TEAD1: variants seen among roughly 807,000 people sequenced by gnomAD.
TEAD1 encodes transcriptional enhancer factor TEF-1.
A neutral mutation model predicts 54.9 loss-of-function variants in TEAD1; 9 were observed. The ratio of observed to expected loss-of-function variants is 0.16; its 90% CI spans 0.10 to 0.29. The LOEUF (loss-of-function observed/expected upper bound fraction) is 0.29. TEAD1 is among the 10% of genes least tolerant of loss of function. TEAD1 has a pLI of 1.00. For missense variants in TEAD1, 387 were observed against 535.9 expected, an observed-to-expected ratio of 0.72 and a Z score of 2.74; for synonymous variants, 200 against 187.8, an observed-to-expected ratio of 1.07 and a Z score of -0.53.
chr11:12,829,615 T>A, intron 3 of TEAD1, among the ~76,000 whole-genome samples: 1 of 152,192 alleles, frequency 6.6e-6, no homozygotes, highest in East Asian at 1.9e-4. Context: ...TCTTCCTTTA[T>A]CCATGTATTT....
chr11:12,743,534 A>T (rs1489864750), intron 2 of TEAD1, among the ~76,000 whole-genome samples: 1 of 152,236 alleles, frequency 6.6e-6, no homozygotes, highest in Non-Finnish European at 1.5e-5. Context: ...ATCTTTGTCC[A>T]GCCCATCTCA....
chr11:12,761,720 A>C (rs1027151505), intron 2 of TEAD1, among the ~76,000 whole-genome samples: 4 of 152,196 alleles, frequency 2.6e-5, no homozygotes, highest in African/African-American at 7.2e-5. Context: ...CTAAATGGGT[A>C]TCTTAGGAGA....
chr11:12,727,813 A>G (rs772479032), intron 2 of TEAD1, among the ~76,000 whole-genome samples: 17 of 151,972 alleles, frequency 1.1e-4, no homozygotes, highest in Non-Finnish European at 2.2e-4. Flanking sequence ...TCACCCTTAC[A>G]TGCAAGTTTG....
chr11:12,885,579 T>C (rs1948071127), intron 9 of TEAD1, among the ~76,000 whole-genome samples: 1 of 152,126 alleles, frequency 6.6e-6, no homozygotes, highest in South Asian at 2.1e-4. Flanking sequence ...TGTAAGCAAA[T>C]TTCTGTTTGC....
At chr11:12,918,236 A>G (rs892232675) in intron 10 of TEAD1, among the ~76,000 whole-genome samples, 1 of 151,800 alleles carries the variant, frequency 6.6e-6, no homozygotes, top group African/African-American at 2.4e-5. Context: ...CTTTGATATT[A>G]CCTTCACTTC....
chr11:12,830,764 ACACGCACATG>A (rs1564955544), intron 3 of TEAD1, among the ~76,000 whole-genome samples: 35 of 107,782 alleles, frequency 3.2e-4, no homozygotes, highest in East Asian at 1.3e-3. Context: ...ACATGCACGC[ACACGCACATG>A]CACATGCACA....
chr11:12,863,585 G>T (rs762854936), intron 4 of TEAD1, among the ~76,000 whole-genome samples: 16 of 152,114 alleles, frequency 1.1e-4, no homozygotes, highest in Non-Finnish European at 1.9e-4. Flanking sequence ...TTTTAGAGCC[G>T]CTGGAGAGTT....
rs1945659996 is a variant in TEAD1, at chr11:12,785,512, CA to C, written c.202+21080del. Among the ~76,000 whole-genome samples, 4 of 152,296 alleles carry C rather than the reference CA, an allele frequency of 2.6e-5. No homozygotes were observed. In the South Asian group the frequency reaches 8.3e-4, roughly 32 times the overall value. On this transcript the variant is annotated intron_variant, in intron 3 of 12. Transcript: ENST00000527636. ...AGAGAATAAATGGGGGCAATGTTAA[CA>C]ATGACACCAGGAAAACAGAAATAAA... is the stretch of plus-strand genomic sequence containing the variant.
At chr11:12,705,124 G>A (rs1308768631) in intron 2 of TEAD1, among the ~76,000 whole-genome samples, 1 of 152,210 alleles carries the variant, frequency 6.6e-6, no homozygotes, top group African/African-American at 2.4e-5. Context: ...TTGTTGCTTG[G>A]CTGGAAGGAG....
intron 9 of TEAD1, among the ~76,000 whole-genome samples, chr11:12,894,492 T>C (rs571572972): frequency 2.6e-5 from 4 of 152,292 alleles, no homozygotes; most frequent in South Asian, 2.1e-4. Flanking sequence ...GTTTGTTTCA[T>C]CTACAGTGAT....
intron 3 of TEAD1, among the ~76,000 whole-genome samples, chr11:12,765,288 C>T (rs1945184800): frequency 6.6e-6 from 1 of 152,118 alleles, no homozygotes; most frequent in Non-Finnish European, 1.5e-5. Context: ...TTTTTGGCTG[C>T]TTACCTTTTG....
chr11:12,757,884 A>AT (rs1157765951), intron 2 of TEAD1, among the ~76,000 whole-genome samples: 2 of 151,940 alleles, frequency 1.3e-5, no homozygotes, highest in African/African-American at 2.4e-5. Flanking sequence ...AATTCAAGTG[A>AT]TTCGTCTGTC....
intron 10 of TEAD1, among the ~76,000 whole-genome samples, chr11:12,914,242 A>G (rs1055931582): frequency 2.0e-5 from 3 of 152,226 alleles, no homozygotes; most frequent in African/African-American, 4.8e-5. Flanking sequence ...TGAAGTGCCA[A>G]ATGTTTATGA....
At chr11:12,694,176 A>G (rs1943526317) in intron 2 of TEAD1, among the ~76,000 whole-genome samples, 1 of 152,220 alleles carries the variant, frequency 6.6e-6, no homozygotes, top group Non-Finnish European at 1.5e-5. Context: ...GTTCCAGTGA[A>G]TCCTAAAACT....
intron 2 of TEAD1, among the ~76,000 whole-genome samples, chr11:12,710,896 G>C (rs995035305): frequency 6.6e-6 from 1 of 152,152 alleles, no homozygotes; most frequent in Non-Finnish European, 1.5e-5. Flanking sequence ...CCTGGAAGGG[G>C]ATGGAAGAGA....
intron 3 of TEAD1, among the ~76,000 whole-genome samples, chr11:12,825,105 C>T (rs562645453): frequency 1.3e-5 from 2 of 152,224 alleles, no homozygotes; most frequent in East Asian, 1.9e-4. Flanking sequence ...AGTTCTGTTT[C>T]GTAAAGTCTT....
At position 12,833,520 on chromosome 11, in the gene TEAD1, C is replaced by T. The variant is rs149200920; in HGVS notation, c.203-28730C>T. ...TCTTTTGACATTCATCATTAGTGACCCAATAGACTGGGCATGTAAAATCTG... is the reference window on the plus strand; with the variant it reads ...TCTTTTGACATTCATCATTAGTGACTCAATAGACTGGGCATGTAAAATCTG... On this transcript the variant is annotated intron_variant, in intron 3 of 12. Coordinates refer to ENST00000527636, the MANE Select transcript of TEAD1 (RefSeq NM_021961.6). Among the ~76,000 whole-genome samples, 233 of 152,068 alleles carry T rather than the reference C, an allele frequency of 1.5e-3. 1 individual carries two copies. Among genetic ancestry groups the T allele is most frequent in the African/African-American group, 5.2e-3 (216 of 41,470 alleles).
intron 9 of TEAD1, among the ~76,000 whole-genome samples, chr11:12,895,203 C>CCG (rs1554947130): frequency 6.6e-6 from 1 of 152,116 alleles, no homozygotes; most frequent in African/African-American, 2.4e-5. Context: ...TTATTAACCC[C>CCG]CCCCGGGTAT....
At chr11:12,914,562 C>T (rs897830865) in intron 10 of TEAD1, among the ~76,000 whole-genome samples, 4 of 152,212 alleles carry the variant, frequency 2.6e-5, no homozygotes, top group African/African-American at 9.6e-5. Flanking sequence ...CACGGTTGGC[C>T]CAGCTTCCCC....
Sources: gnomAD v4.1 joint callset for allele counts (sites outside exome capture counted in the v4.1 genomes callset) on GRCh38, gnomAD v4.1.1 for gene constraint, MANE v1.5 for transcripts, NCBI Gene and HGNC (gene_info 2026-07-23, HGNC 2026-07-21) for gene names.